STAC: variants seen among roughly 807,000 people sequenced by gnomAD.
STAC encodes SH3 and cysteine rich domain, also known as SH3 and cysteine-rich domain-containing protein.
A neutral mutation model predicts 48.8 loss-of-function variants in STAC; 43 were observed. The ratio of observed to expected loss-of-function variants is 0.88; its 90% CI spans 0.69 to 1.14. The LOEUF (loss-of-function observed/expected upper bound fraction) is 1.14, where lower values mean the gene tolerates loss of function less well. Among genes scored for constraint, STAC ranks in the 50% most tolerant of loss-of-function variants. The pLI is 0.00. For synonymous variants in STAC, 193 were observed against 179.5 expected (o/e 1.07, Z -0.60); for missense variants, 497 against 504.0 (o/e 0.99, Z 0.13).
chr3:36,480,510 G>T (rs1185889415), intron 2 of STAC, among the ~76,000 whole-genome samples: 1 of 152,114 alleles, frequency 6.6e-6, no homozygotes, highest in Non-Finnish European at 1.5e-5. Flanking sequence ...TTGCATGCCA[G>T]GTTCTTACCC....
intron 2 of STAC, among the ~76,000 whole-genome samples, chr3:36,460,460 T>G (rs1284413352): frequency 1.3e-5 from 2 of 152,182 alleles, no homozygotes; most frequent in Non-Finnish European, 2.9e-5. Context: ...AAAAATTTAT[T>G]ATATGAAATT....
chr3:36,506,875 G>A (rs1698415259), intron 8 of STAC, among the ~76,000 whole-genome samples: 1 of 152,178 alleles, frequency 6.6e-6, no homozygotes, highest in Admixed American at 6.5e-5. Flanking sequence ...TGCAAACAGA[G>A]ACAATTTGAC....
At chr3:36,505,928 C>G (rs1043591037) in intron 8 of STAC, 94 bp downstream of exon 8, 1 of 763,010 alleles carries the variant, frequency 1.3e-6, no homozygotes, top group Non-Finnish European at 2.1e-6. Context: ...CCTCCTAATG[C>G]TTTATAGCTG....
intron 1 of STAC, among the ~76,000 whole-genome samples, chr3:36,385,856 T>C (rs1453189784): frequency 2.0e-5 from 3 of 152,124 alleles, no homozygotes; most frequent in Non-Finnish European, 2.9e-5. Context: ...TAACATTCCA[T>C]TGTATGAATG....
intron 1 of STAC, among the ~76,000 whole-genome samples, chr3:36,398,657 A>AAAGGAAGG (rs150269082): frequency 3.9e-5 from 4 of 102,294 alleles, no homozygotes; most frequent in Non-Finnish European, 6.5e-5. Flanking sequence ...AAAGAGAAAG[A>AAAGGAAGG]AAGGAAGGAA....
rs116837043 is a variant in STAC at position 36,435,244 on chromosome 3, T to C, written c.112-8120T>C. 2.1e-3 allele frequency among the ~76,000 whole-genome samples: 322 copies of C among 152,248 alleles called. 2 individuals carry two copies. The highest frequency in any genetic ancestry group is 3.9e-3 in the Non-Finnish European group (264 of 68,012). ...CTTTCAACTCTGGACATCTCCTCCC[T>C]CCACCTCCCACTGTCTCTGACTCAG... On this transcript the variant is annotated intron_variant, in intron 1 of 10. Transcript: ENST00000273183.
At chr3:36,491,812 G>A (rs561849175) in intron 5 of STAC, among the ~76,000 whole-genome samples, 6 of 150,626 alleles carry the variant, frequency 4.0e-5, no homozygotes, top group South Asian at 4.2e-4. Context: ...TCAGGAGTTC[G>A]AGATAAGCCT....
chr3:36,411,221 C>A (rs1317786046), intron 1 of STAC, among the ~76,000 whole-genome samples: 2 of 152,188 alleles, frequency 1.3e-5, no homozygotes, highest in African/African-American at 4.8e-5. Flanking sequence ...CTGCCATACC[C>A]CTGGCCTAAG....
At chr3:36,515,509 A>T (rs1414777313) in intron 8 of STAC, among the ~76,000 whole-genome samples, 1 of 152,160 alleles carries the variant, frequency 6.6e-6, no homozygotes, top group African/African-American at 2.4e-5. Context: ...AAAGAAAAAA[A>T]GTGGGGAGGG....
Position 36,492,778 on chromosome 3 carries a change from C to T in STAC, c.688-373C>T, listed in dbSNP as rs529246168. On this transcript the variant is annotated intron_variant, in intron 5 of 10. Transcript: ENST00000273183. The stretch of plus-strand genomic sequence containing the variant: ...TTCTCTAAAACTAATATTTAAAACA[C>T]CTGTAGAAAGAGCTAGCGTTTTATT... Among the ~76,000 whole-genome samples, 3 of 152,302 alleles carry T rather than the reference C, an allele frequency of 2.0e-5. No individual in the cohort carries two copies. The South Asian group carries it at 6.2e-4, about 32-fold the overall frequency.
chr3:36,390,394 A>G (rs1204697027), intron 1 of STAC, among the ~76,000 whole-genome samples: 3 of 149,850 alleles, frequency 2.0e-5, no homozygotes, highest in African/African-American at 7.3e-5. Context: ...AATAGATGTG[A>G]AATTGTTTCA....
chr3:36,537,105 T>C (rs1699216155), intron 10 of STAC, among the ~76,000 whole-genome samples: 3 of 152,152 alleles, frequency 2.0e-5, no homozygotes, highest in Admixed American at 1.3e-4. Flanking sequence ...GGTGGGAATG[T>C]AAATTAAACC....
At chr3:36,417,667 T>C (rs925253763) in intron 1 of STAC, among the ~76,000 whole-genome samples, 11 of 152,348 alleles carry the variant, frequency 7.2e-5, no homozygotes, top group African/African-American at 2.4e-4. Flanking sequence ...TGGATGTTTC[T>C]ATATTTCTGT....
chr3:36,466,847 T>C (rs547253533), intron 2 of STAC, among the ~76,000 whole-genome samples: 78 of 152,184 alleles, frequency 5.1e-4, no homozygotes, highest in African/African-American at 1.8e-3. Context: ...TTTCTTTCTC[T>C]TGTCTGATTG....
chr3:36,381,823 T>C (rs1699515808), intron 1 of STAC, among the ~76,000 whole-genome samples: 1 of 152,170 alleles, frequency 6.6e-6, no homozygotes, highest in Non-Finnish European at 1.5e-5. Flanking sequence ...CCCCCTGAAG[T>C]TAACCATCAA....
chr3:36,501,604 T>C (rs1422745106), intron 6 of STAC, among the ~76,000 whole-genome samples: 2 of 151,966 alleles, frequency 1.3e-5, no homozygotes, highest in South Asian at 2.1e-4. Flanking sequence ...TAAATAGAAA[T>C]AGGAAACATG....
At chr3:36,463,296 ATTTTTCTTTT>A (rs1697070322) in intron 2 of STAC, among the ~76,000 whole-genome samples, 1 of 151,918 alleles carries the variant, frequency 6.6e-6, no homozygotes. Context: ...TCCTGAAATA[ATTTTTCTTTT>A]AATTTCATCC....
chr3:36,465,733 T>C (rs945768502), intron 2 of STAC, among the ~76,000 whole-genome samples: 1 of 152,088 alleles, frequency 6.6e-6, no homozygotes, highest in African/African-American at 2.4e-5. Context: ...ACTGAAGAAC[T>C]TGGAGACCGA....
chr3:36,482,233 G>A (rs1697668029), intron 2 of STAC, among the ~76,000 whole-genome samples: 2 of 152,070 alleles, frequency 1.3e-5, no homozygotes, highest in South Asian at 2.1e-4. Flanking sequence ...AATGAACACC[G>A]GTGTGCAGCA....
Sources: allele counts gnomAD v4.1 joint callset (sites outside exome capture counted in the v4.1 genomes callset), GRCh38; gene constraint gnomAD v4.1.1; transcripts MANE v1.5; gene names NCBI Gene and HGNC (gene_info 2026-07-23, HGNC 2026-07-21).